The following TGFB2 variants were observed in gnomAD, a reference collection of about 807,000 sequenced individuals.
TGFB2 encodes transforming growth factor beta 2.
In TGFB2, 13 loss-of-function variants were observed where a neutral mutation model predicts 42.7. The ratio of observed to expected loss-of-function variants is 0.30; its 90% confidence interval spans 0.20 to 0.48. The LOEUF (loss-of-function observed/expected upper bound fraction) is 0.48, where lower values mean the gene tolerates loss of function less well. TGFB2 is among the 20% of genes least tolerant of loss of function. The pLI is 0.99. For missense variants in TGFB2, 390 were observed against 517.5 expected (o/e 0.75, Z 2.39); for synonymous variants, 193 against 193.6 (o/e 1.00, Z 0.03).
intron 2 of TGFB2, among the ~76,000 whole-genome samples, chr1:218,425,356 A>ACAT (rs1427806193): frequency 6.6e-6 from 1 of 151,854 alleles, no homozygotes; most frequent in African/African-American, 2.4e-5. Context: ...TACAGGTGCC[A>ACAT]GCCACCACGC....
intron 1 of TGFB2, among the ~76,000 whole-genome samples, chr1:218,382,521 G>T (rs1160203082): frequency 6.6e-6 from 1 of 152,152 alleles, no homozygotes; most frequent in East Asian, 1.9e-4. Context: ...CTGATAAAGT[G>T]ACTTATTTTT....
intron 1 of TGFB2, among the ~76,000 whole-genome samples, chr1:218,380,639 C>T (rs1303915581): frequency 6.6e-6 from 1 of 152,088 alleles, no homozygotes; most frequent in Non-Finnish European, 1.5e-5. Context: ...CCAAGCATTC[C>T]AGACCTGTTA....
rs115024620 is a variant in TGFB2 at position 218,423,231 on chromosome 1, C to T, written c.511-10851C>T. Among the ~76,000 whole-genome samples, 306 of 152,248 alleles carry T rather than the reference C, an allele frequency of 2.0e-3. 1 individual carries two copies. Among genetic ancestry groups the T allele is most frequent in the African/African-American group, 7.1e-3 (293 of 41,540 alleles). On this transcript the variant is annotated intron_variant, in intron 2 of 6. Transcript: ENST00000366930. ...AATTAATCAATGAATATGTATTCTA[C>T]CAGTGTCAGCAAACCAAAATATAAG...
At chr1:218,366,814 TG>T (rs1183084348) in intron 1 of TGFB2, among the ~76,000 whole-genome samples, 1 of 152,220 alleles carries the variant, frequency 6.6e-6, no homozygotes, top group Non-Finnish European at 1.5e-5. Flanking sequence ...GCTCTGATTA[TG>T]CACATCTGTT....
intron 1 of TGFB2, among the ~76,000 whole-genome samples, chr1:218,385,394 C>T (rs1487954886): frequency 1.3e-5 from 2 of 152,200 alleles, no homozygotes; most frequent in African/African-American, 2.4e-5. Flanking sequence ...TTGAGCTTGA[C>T]GAAAGCCTGT....
chr1:218,369,317 G>C (rs973655441), intron 1 of TGFB2, among the ~76,000 whole-genome samples: 2 of 144,566 alleles, frequency 1.4e-5, no homozygotes, highest in African/African-American at 5.2e-5. Context: ...GGCCAAGGTG[G>C]AAGTAGGAAA....
rs1034838603 is a variant in TGFB2 at position 218,444,576 on chromosome 1, T to C, written c.*3214T>C. 6.6e-6 allele frequency: 1 copy of C among 152,294 alleles called. No individual in the cohort carries two copies. The highest frequency in any genetic ancestry group is 2.4e-5 in the African/African-American group (1 of 41,572). 9.4% of individuals were successfully genotyped at this position (152,294 alleles called of 1,614,324 possible). A position where few individuals can be genotyped will look rare whatever the true frequency, so the allele number is the denominator to read the frequency against. Reference sequence around the variant, plus strand: ...CCAGACTCCTCAAACGAGTTGCCAATCTCTTAATAAATAGGATTAATAAAA... The same window carrying C: ...CCAGACTCCTCAAACGAGTTGCCAACCTCTTAATAAATAGGATTAATAAAA... On this transcript the variant is annotated 3_prime_UTR_variant, in exon 7 of 7. Coordinates refer to ENST00000366930, the MANE Select transcript of TGFB2 (RefSeq NM_003238.6).
chr1:218,394,174 G>T (rs1658417279), intron 1 of TGFB2, among the ~76,000 whole-genome samples: 1 of 152,160 alleles, frequency 6.6e-6, no homozygotes, highest in Non-Finnish European at 1.5e-5. Context: ...CTCCCAAAGT[G>T]CTTGGATTAT....
chr1:218,406,762 T>C (rs2102596660), intron 2 of TGFB2, among the ~76,000 whole-genome samples: 1 of 152,222 alleles, frequency 6.6e-6, no homozygotes, highest in South Asian at 2.1e-4. Flanking sequence ...TGCATAGCGC[T>C]CAGTGCCTGG....
chr1:218,359,700 T>C (rs988383661), intron 1 of TGFB2, among the ~76,000 whole-genome samples: 1 of 152,186 alleles, frequency 6.6e-6, no homozygotes, highest in Non-Finnish European at 1.5e-5. Context: ...TCATTGTAGT[T>C]CAGTGTTGGG....
intron 1 of TGFB2, among the ~76,000 whole-genome samples, chr1:218,354,664 A>G (rs1656975616): frequency 6.6e-6 from 1 of 152,216 alleles, no homozygotes; most frequent in Admixed American, 6.5e-5. Context: ...TAGGAGCCCT[A>G]ATACAGAGCC....
chr1:218,415,872 TG>T (rs1402775587), intron 2 of TGFB2, among the ~76,000 whole-genome samples: 1 of 152,024 alleles, frequency 6.6e-6, no homozygotes, highest in African/African-American at 2.4e-5. Flanking sequence ...GTTAAGTGTC[TG>T]GCACACAAGA....
rs750774144 is a variant in TGFB2, at chr1:218,436,138, A to C, written c.923A>C (p.Tyr308Ser). 3.7e-6 allele frequency: 6 copies of C among 1,611,076 alleles called. No individual in the cohort carries two copies. The East Asian group carries it at 1.3e-4, about 36-fold the overall frequency. Reference protein sequence around the residue: ...RRKKRALDAAYCFRNVQDNCC... With the variant: ...RRKKRALDAASCFRNVQDNCC... ...AAGAAGCGTGCTTTGGATGCGGCCT[A>C]TTGCTTTAGGTAAAGGAAAGAAAAG... Residue 308 changes from tyrosine (Y) to serine (S), a missense_variant, in exon 5 of 7, where the codon TAT (tyrosine) becomes TCT (serine). Physicochemically the swap from Tyr to Ser is moderately radical, Grantham distance 144. Coordinates refer to ENST00000366930, the MANE Select transcript of TGFB2 (RefSeq NM_003238.6).
At chr1:218,348,111 C>T (rs1420975678) in intron 1 of TGFB2, among the ~76,000 whole-genome samples, 2 of 151,280 alleles carry the variant, frequency 1.3e-5, no homozygotes, top group African/African-American at 2.4e-5. Context: ...GGGGCAGCAG[C>T]ATCCACTTGA....
intron 1 of TGFB2, among the ~76,000 whole-genome samples, chr1:218,366,938 C>T (rs1016346099): frequency 6.6e-6 from 1 of 152,208 alleles, no homozygotes; most frequent in East Asian, 1.9e-4. Flanking sequence ...TTGCCACGTG[C>T]TTTCCATTTT....
intron 1 of TGFB2, among the ~76,000 whole-genome samples, chr1:218,389,099 C>T (rs905551886): frequency 2.0e-5 from 3 of 152,094 alleles, no homozygotes; most frequent in South Asian, 4.1e-4. Context: ...TTGTGGTTTT[C>T]TCAACAGTAA....
chr1:218,388,493 A>G (rs576063069), intron 1 of TGFB2, among the ~76,000 whole-genome samples: 29 of 152,356 alleles, frequency 1.9e-4, no homozygotes, highest in South Asian at 1.9e-3. Context: ...CTCGCCCACC[A>G]TGAAAGAAAG....
rs528176966 is a variant in TGFB2 at position 218,395,757 on chromosome 1, G to A, written c.347-9412G>A. ...CTCCAGAGTAGCTGGGACTACAGGC[G>A]TCTGCCACCACACCTGGCTAATTTT... On this transcript the variant is annotated intron_variant, in intron 1 of 6. Transcript: ENST00000366930. Among the ~76,000 whole-genome samples, 8 of 151,962 alleles carry A rather than the reference G, an allele frequency of 5.3e-5. 1 individual carries two copies. The South Asian group carries it at 8.3e-4, about 16-fold the overall frequency.
At chr1:218,348,141 C>G (rs1198987902) in intron 1 of TGFB2, among the ~76,000 whole-genome samples, 1 of 151,636 alleles carries the variant, frequency 6.6e-6, no homozygotes, top group Non-Finnish European at 1.5e-5. Flanking sequence ...GGGTTAAATA[C>G]CAGGAAGAAG....
Sources: allele counts gnomAD v4.1 joint callset (sites outside exome capture counted in the v4.1 genomes callset), GRCh38; gene constraint gnomAD v4.1.1; transcripts MANE v1.5; gene names NCBI Gene and HGNC (gene_info 2026-07-23, HGNC 2026-07-21).